The following GUCY2F variants were observed in gnomAD, a reference collection of about 807,000 sequenced individuals.
GUCY2F encodes guanylate cyclase 2F, retinal.
In GUCY2F, 61 loss-of-function variants were observed where a neutral mutation model predicts 73.1. The observed-to-expected ratio is 0.83, with a 90% CI of 0.68 to 1.03. GUCY2F has a LOEUF of 1.03. Ranked by LOEUF, GUCY2F falls within the 50% of genes least tolerant of loss-of-function variation. GUCY2F has a pLI of 0.00. For missense variants in GUCY2F, 912 were observed against 854.3 expected (o/e 1.07, Z -0.84); for synonymous variants, 331 against 307.8 (o/e 1.08, Z -0.79).
In GUCY2F at chrX:109,395,406, GCTGGAGACATT is replaced by G; in HGVS notation, c.2348_2358del (p.Glu783AlafsTer8). On this transcript the variant is annotated frameshift_variant, in exon 12 of 20. Transcript: ENST00000218006. LOFTEE classifies it high-confidence loss of function. ...GCCTCAGCCCAGCACTGCTTCATCA[GCTGGAGACATT>G]CTGGAGGGGCATGCTCAGGAGGAAC... The G allele has an allele frequency of 8.3e-7, 1 of 1,201,268 alleles. No homozygotes were observed. The highest frequency in any genetic ancestry group is 1.1e-6 in the Non-Finnish European group (1 of 885,815).
At chrX:109,435,058 T>C (rs888572417) in intron 7 of GUCY2F, among the ~76,000 whole-genome samples, 3 of 110,784 alleles carry the variant, frequency 2.7e-5, no homozygotes, top group African/African-American at 6.7e-5. Flanking sequence ...AGTCAGGTAG[T>C]GTGATGCCTC....
chrX:109,414,484 C>T (rs1931193104), intron 8 of GUCY2F, among the ~76,000 whole-genome samples: 1 of 112,187 alleles, frequency 8.9e-6, no homozygotes, highest in African/African-American at 3.2e-5. Context: ...ATATTTCCCA[C>T]TAGCAATATT....
chrX:109,387,621 A>C (rs1930465561), intron 15 of GUCY2F, among the ~76,000 whole-genome samples: 1 of 111,979 alleles, frequency 8.9e-6, no homozygotes, highest in South Asian at 3.7e-4. Flanking sequence ...AGAACACTGG[A>C]GAAGACCAAT....
chrX:109,444,680 G>A (rs546946788), intron 6 of GUCY2F, among the ~76,000 whole-genome samples: 7 of 111,557 alleles, frequency 6.3e-5, no homozygotes, highest in Non-Finnish European at 1.1e-4. Flanking sequence ...ATATAAAGAC[G>A]TGAAATATGC....
chrX:109,478,976 G>T (rs1192951039), intron 1 of GUCY2F, among the ~76,000 whole-genome samples: 4 of 112,083 alleles, frequency 3.6e-5, no homozygotes, highest in African/African-American at 9.7e-5. Context: ...AAGTTCCCCA[G>T]TCACCCATGA....
At position 109,416,264 on chromosome X, in the gene GUCY2F, C is replaced by T. The variant is rs757346627; in HGVS notation, c.1792-7096G>A. Among the ~76,000 whole-genome samples the T allele has an allele frequency of 1.2e-4, 13 of 110,383 alleles. No homozygotes were observed. In the South Asian group the frequency reaches 4.6e-3, roughly 39 times the overall value. On this transcript the variant is annotated intron_variant, in intron 8 of 19. Transcript: ENST00000218006. The stretch of plus-strand genomic sequence containing the variant: ...CAAATCTTGCAATTAGCAGAAAAGG[C>T]CTTTAACACAGATTTTATAAATATA...
chrX:109,440,166 GT>G (rs1282946315), intron 7 of GUCY2F, among the ~76,000 whole-genome samples: 1 of 111,999 alleles, frequency 8.9e-6, no homozygotes, highest in Non-Finnish European at 1.9e-5. Context: ...GTGCCAACAG[GT>G]TTGGTTGTCT....
rs1423216091 is a variant in GUCY2F, at chrX:109,448,089, T to C, written c.1549A>G (p.Asn517Asp). The C allele has an allele frequency of 2.8e-6, 3 of 1,083,591 alleles. No homozygotes were observed. In the South Asian group the frequency reaches 5.6e-5, roughly 20 times the overall value. 89.3% of individuals were successfully genotyped at this position (1,083,591 alleles called of 1,213,427 possible). A position where few individuals can be genotyped will look rare whatever the true frequency, so the allele number is the denominator to read the frequency against. ...LLTLEDVTFI[N>D]PHFGSKRGSR... The stretch of plus-strand genomic sequence containing the variant: ...CTTACCTTACTGCCAAAGTGGGGAT[T>C]GATAAACGTTACATCCTCCAAAGTC... The change falls in exon 6 of 20, where the codon AAT (asparagine) becomes GAT (aspartate). Residue 517 changes from asparagine (N) to aspartate (D), a missense_variant. By Grantham distance (23) the Asn-to-Asp change is conservative (BLOSUM62 1). Transcript: ENST00000218006.
chrX:109,402,741 C>T (rs950546613), intron 10 of GUCY2F, among the ~76,000 whole-genome samples: 7 of 111,808 alleles, frequency 6.3e-5, no homozygotes, highest in African/African-American at 2.3e-4. Context: ...CCTAGAACTG[C>T]TGCTAAGTCA....
At chrX:109,408,736 C>T (rs779889015) in intron 9 of GUCY2F, among the ~76,000 whole-genome samples, 1 of 111,695 alleles carries the variant, frequency 9.0e-6, no homozygotes, top group Non-Finnish European at 1.9e-5. Flanking sequence ...TTTTCTCTTG[C>T]CACCACCATA....
chrX:109,429,061 G>A (rs1486033549), intron 8 of GUCY2F, among the ~76,000 whole-genome samples: 2 of 111,743 alleles, frequency 1.8e-5, no homozygotes, highest in Non-Finnish European at 3.8e-5. Flanking sequence ...TCCCCCTTCT[G>A]GACTCATGTC....
At chrX:109,470,358 A>G (rs781566001) in intron 2 of GUCY2F, among the ~76,000 whole-genome samples, 105 of 111,998 alleles carry the variant, frequency 9.4e-4, no homozygotes, top group African/African-American at 3.3e-3. Context: ...ATTTGGTGTT[A>G]CATTATACCA....
At chrX:109,481,104 A>AAGGAAGGAAGGAAGGAAGGG (rs1318135597) in intron 1 of GUCY2F, among the ~76,000 whole-genome samples, 1 of 52,997 alleles carries the variant, frequency 1.9e-5, no homozygotes, top group African/African-American at 7.9e-5. Flanking sequence ...GGAAGGAAGG[A>AAGGAAGGAAGGAAGGAAGGG]AGGGAGGGAG....
At chrX:109,383,589 T>C (rs1250847687) in intron 16 of GUCY2F, 1 of 126,892 alleles carries the variant, frequency 7.9e-6, no homozygotes, top group African/African-American at 3.2e-5. Flanking sequence ...ATTTGGGTCA[T>C]AGTCATTAGC....
In GUCY2F at chrX:109,392,017, C is replaced by T. The variant is rs1334880841; in HGVS notation, c.2675G>A (p.Gly892Asp). The T allele has an allele frequency of 1.7e-6, 2 of 1,207,496 alleles. No homozygotes were observed. Among genetic ancestry groups the T allele is most frequent in the South Asian group, 1.8e-5 (1 of 56,769 alleles). The change falls in exon 14 of 20, where the codon GGC (glycine) becomes GAC (aspartate). Residue 892 changes from glycine (G) to aspartate (D), a missense_variant. Physicochemically the swap from Gly to Asp is moderately conservative, Grantham distance 94. Transcript: ENST00000218006. ...ACTCATGGCTGAAATGGTTGTGAAG[C>T]CCACAATGTCGCTGAAGTACAAGGT... ...LVTLYFSDIVGFTTISAMSEP... is the reference protein window; with the variant it reads ...LVTLYFSDIVDFTTISAMSEP...
Position 109,431,354 on chromosome X carries a change from C to T in GUCY2F, c.1702-958G>A, listed in dbSNP as rs545619530. Among the ~76,000 whole-genome samples, 4 of 111,886 alleles carry T rather than the reference C, an allele frequency of 3.6e-5. No individual in the cohort carries two copies. The South Asian group carries it at 1.5e-3, about 42-fold the overall frequency. ...ATTTCGGGCTGCACCAACTTGTCAT[C>T]AAGTAGAGATAATAAAGCAGAGGGC... On this transcript the variant is annotated intron_variant, in intron 7 of 19. Transcript: ENST00000218006.
chrX:109,420,362 G>A (rs1318758963), intron 8 of GUCY2F, among the ~76,000 whole-genome samples: 2 of 106,082 alleles, frequency 1.9e-5, no homozygotes, highest in African/African-American at 3.5e-5. Flanking sequence ...AAAAGAAAGA[G>A]AGAGAGAGAG....
intron 10 of GUCY2F, among the ~76,000 whole-genome samples, chrX:109,402,016 C>A (rs1023742747): frequency 9.0e-6 from 1 of 111,367 alleles, no homozygotes; most frequent in Non-Finnish European, 1.9e-5. Context: ...GGGCTCAGCT[C>A]GTAAGCCATG....
chrX:109,432,330 C>T (rs1440821361), intron 7 of GUCY2F, among the ~76,000 whole-genome samples: 1 of 112,121 alleles, frequency 8.9e-6, no homozygotes, highest in Non-Finnish European at 1.9e-5. Flanking sequence ...ATCGAAAAGT[C>T]ATTCACAGAA....
Sources: allele counts gnomAD v4.1 joint callset (sites outside exome capture counted in the v4.1 genomes callset), GRCh38; gene constraint gnomAD v4.1.1; transcripts MANE v1.5; gene names NCBI Gene and HGNC (gene_info 2026-07-23, HGNC 2026-07-21).